The following DDR1 variants were observed in gnomAD, a reference collection of about 807,000 sequenced individuals.
DDR1 encodes epithelial discoidin domain-containing receptor 1.
In DDR1, 64 loss-of-function variants were observed where a neutral mutation model predicts 97.4. The ratio of observed to expected loss-of-function variants is 0.66; its 90% CI spans 0.54 to 0.81. The LOEUF (loss-of-function observed/expected upper bound fraction) is 0.81. Among genes scored for constraint, DDR1 ranks in the 30% least tolerant of loss-of-function variants. The probability of loss-of-function intolerance (pLI) is 0.00; values close to 1 mark genes in which losing one functional copy is unlikely to be tolerated. For synonymous variants in DDR1, 458 were observed against 503.7 expected (o/e 0.91, Z 1.21); for missense variants, 990 against 1,259.6 (o/e 0.79, Z 3.24).
At chr6:30,885,167 C>T in intron 1 of DDR1, 1 of 1,524,332 alleles carries the variant, frequency 6.6e-7, no homozygotes, top group Non-Finnish European at 8.8e-7. Context: ...CTCTAACCCA[C>T]CAGTGACACC....
Position 30,899,362 on chromosome 6 carries a change from A to G in DDR1, c.*66A>G, listed in dbSNP as rs1262477544. 7.1e-6 allele frequency: 11 copies of G among 1,546,440 alleles called. No homozygotes were observed. The highest frequency in any genetic ancestry group is 8.7e-6 in the Non-Finnish European group (10 of 1,143,810). On this transcript the variant is annotated 3_prime_UTR_variant, in exon 18 of 18. Transcript: ENST00000376568. ...GGGAAGCCAGTGACACTAAAACAAG[A>G]GGACACAATGGCACCTCTGCCCTTC... is the stretch of plus-strand genomic sequence containing the variant.
chr6:30,891,943 C>T lies in DDR1; in HGVS notation c.666-59C>T. 6.3e-7 allele frequency: 1 copy of T among 1,587,572 alleles called. No individual in the cohort carries two copies. Among genetic ancestry groups the T allele is most frequent in the Non-Finnish European group, 8.6e-7 (1 of 1,159,390 alleles). Reference sequence around the variant, plus strand: ...GCCGGAGGGTGGCGGAGCAGAATGCCTGGATGTCAAGACCCTCTTCCCTTC... The same window carrying T: ...GCCGGAGGGTGGCGGAGCAGAATGCTTGGATGTCAAGACCCTCTTCCCTTC... On this transcript the variant is annotated intron_variant, in intron 6 of 17. Transcript: ENST00000376568. This position sits in a 1 kb window ranked among gnomAD's most constrained non-coding sequence, Gnocchi z 5.3.
At position 30,898,303 on chromosome 6, in the gene DDR1, T is replaced by G. The variant is rs1221762546; in HGVS notation, c.2447T>G (p.Leu816Arg). Residue 816 changes from leucine (L) to arginine (R), a missense_variant, in exon 16 of 18, where the codon CTC (leucine) becomes CGC (arginine). Physicochemically the swap from Leu to Arg is moderately radical, Grantham distance 102. Coordinates refer to ENST00000376568, the MANE Select transcript of DDR1 (RefSeq NM_001297654.2). The part of the protein sequence containing the change: ...PIRWMAWECI[L>R]MGKFTTASDV... Reference sequence around the variant, plus strand: ...CGCTGGATGGCCTGGGAGTGCATCCTCATGGTGAGCAGCCCGAGGACAGCC... The same window carrying G: ...CGCTGGATGGCCTGGGAGTGCATCCGCATGGTGAGCAGCCCGAGGACAGCC... 19 of 1,611,530 alleles carry G rather than the reference T, an allele frequency of 1.2e-5. No homozygotes were observed. Among genetic ancestry groups the G allele is most frequent in the Non-Finnish European group, 1.5e-5 (18 of 1,178,078 alleles).
chr6:30,893,437 TG>T lies in DDR1; in HGVS notation c.1347+16del, dbSNP rs781679716. ...CTCCTCAGCAAGGTGGGCACAGCCGTGGCATGTGGAGTGGCGGGGGGAGGCC... is the reference window on the plus strand; with the variant it reads ...CTCCTCAGCAAGGTGGGCACAGCCGTGCATGTGGAGTGGCGGGGGGAGGCC... On this transcript the variant is annotated intron_variant, in intron 10 of 17. Transcript: ENST00000376568. The T allele has an allele frequency of 6.9e-6, 11 of 1,598,352 alleles. No homozygotes were observed. In the East Asian group the frequency reaches 2.2e-4, roughly 33 times the overall value.
At chr6:30,898,859 C>A in intron 16 of DDR1, 29 bp from the exon 17 acceptor site, 1 of 1,592,324 alleles carries the variant, frequency 6.3e-7, no homozygotes, top group South Asian at 1.1e-5. Context: ...ATGTCCCTGT[C>A]TGTTTTTGCT....
chr6:30,892,601 A>G, intron 8 of DDR1, 59 bp downstream of exon 8: 2 of 1,506,474 alleles, frequency 1.3e-6, no homozygotes. Flanking sequence ...TTTCATTCCT[A>G]ACCCTGCAGT....
At position 30,899,166 on chromosome 6, in the gene DDR1, C is replaced by T. The variant is rs373175632; in HGVS notation, c.2612C>T (p.Ser871Phe). Residue 871 changes from serine (S) to phenylalanine (F), a missense_variant, in exon 18 of 18, where the codon TCC becomes TTC. By Grantham distance (155) the Ser-to-Phe change is radical (BLOSUM62 -2). Coordinates refer to ENST00000376568, the MANE Select transcript of DDR1 (RefSeq NM_001297654.2). ...ACTGCCACAATGCAGGTGTACCTGT[C>T]CCGGCCGCCTGCCTGCCCGCAGGGC... is the stretch of plus-strand genomic sequence containing the variant. ...FRDQGRQVYL[S>F]RPPACPQGLY... 5 of 1,614,086 alleles carry T rather than the reference C, an allele frequency of 3.1e-6. No homozygotes were observed. Among genetic ancestry groups the T allele is most frequent in the East Asian group, 2.2e-5 (1 of 44,900 alleles).
In DDR1 at chr6:30,893,396, G is replaced by C. The variant is rs1447173240; in HGVS notation, c.1320G>C (p.Arg440=). Residue 440 remains arginine (R), a synonymous_variant, in exon 10 of 18, where the codon CGG becomes CGC. Coordinates refer to ENST00000376568, the MANE Select transcript of DDR1 (RefSeq NM_001297654.2). ...TCATCATTGCCCTCATGCTCTGGCG[G>C]CTGCACTGGCGCAGGCTCCTCAGCA... is the stretch of plus-strand genomic sequence containing the variant. The part of the protein sequence containing the change: ...LLLIIALMLW[R]LHWRRLLSKA... 2 of 1,606,066 alleles carry C rather than the reference G, an allele frequency of 1.2e-6. No homozygotes were observed. The highest frequency in any genetic ancestry group is 1.7e-6 in the Non-Finnish European group (2 of 1,179,750).
rs888437993 is a variant in DDR1, at chr6:30,888,382, G to A, written c.-42-306G>A. ...GATATTTTGCCCATTCCTGATTGGA[G>A]AAATGGGGCTTTAGGAAGTTATTTA... On this transcript the variant is annotated intron_variant, in intron 1 of 17. Transcript: ENST00000376568. This position sits in a 1 kb window ranked among gnomAD's most constrained non-coding sequence, Gnocchi z 4.2. The A allele has an allele frequency of 2.9e-6, 1 of 350,058 alleles. No individual in the cohort carries two copies. The highest frequency in any genetic ancestry group is 5.2e-6 in the Non-Finnish European group (1 of 193,704). The allele number at this position is 350,058 out of a possible 1,614,324, so 21.7% of individuals were successfully genotyped here.
At position 30,888,354 on chromosome 6, in the gene DDR1, G is replaced by A; in HGVS notation, c.-42-334G>A. 3.5e-6 allele frequency: 1 copy of A among 287,952 alleles called. No homozygotes were observed. 17.8% of individuals were successfully genotyped at this position (287,952 alleles called of 1,614,324 possible). A position where few individuals can be genotyped will look rare whatever the true frequency, so the allele number is the denominator to read the frequency against. On this transcript the variant is annotated intron_variant, in intron 1 of 17. Transcript: ENST00000376568. The surrounding 1 kb of genome is among the most constrained non-coding windows in gnomAD (Gnocchi z 4.2). ...TTGTTTGTTCTAAGCCGTTGTTTATGGGGATATTTTGCCCATTCCTGATTG... is the reference window on the plus strand; with the variant it reads ...TTGTTTGTTCTAAGCCGTTGTTTATAGGGATATTTTGCCCATTCCTGATTG...
chr6:30,890,031 A>C lies in DDR1; in HGVS notation c.417+601A>C, dbSNP rs369635947. ...CCTAGGCCACCTGCCCGCCATCTCC[A>C]GCTTAGATGAGTGCAGTAGATGCCA... is the stretch of plus-strand genomic sequence containing the variant. On this transcript the variant is annotated intron_variant, in intron 4 of 17. Coordinates refer to ENST00000376568, the MANE Select transcript of DDR1 (RefSeq NM_001297654.2). The surrounding 1 kb of genome is among the most constrained non-coding windows in gnomAD (Gnocchi z 5.0). Among the ~76,000 whole-genome samples, 14 of 152,060 alleles carry C rather than the reference A, an allele frequency of 9.2e-5. No individual in the cohort carries two copies. Among genetic ancestry groups the C allele is most frequent in the African/African-American group, 3.4e-4 (14 of 41,470 alleles).
intron 1 of DDR1, chr6:30,885,120 C>T: frequency 7.3e-7 from 1 of 1,377,862 alleles, no homozygotes; most frequent in South Asian, 1.3e-5. Context: ...CCCAGTTGGT[C>T]AGTCTGGTCA....
rs186255241 is a variant in DDR1 at position 30,891,740 on chromosome 6, A to G, written c.665+261A>G. Among the ~76,000 whole-genome samples the G allele has an allele frequency of 3.3e-4, 51 of 152,250 alleles. No homozygotes were observed. Among genetic ancestry groups the G allele is most frequent in the Non-Finnish European group, 6.0e-4 (41 of 68,024 alleles). On this transcript the variant is annotated intron_variant, in intron 6 of 17. Coordinates refer to ENST00000376568, the MANE Select transcript of DDR1 (RefSeq NM_001297654.2). The surrounding 1 kb of genome is among the most constrained non-coding windows in gnomAD (Gnocchi z 5.3). ...ATTGTTGGAAATTGCTGCAATAAAT[A>G]TACACATCATAGATTGAAATGGTGC...
rs751380468 is a variant in DDR1, at chr6:30,888,793, A to G, written c.64A>G (p.Met22Val). The change falls in exon 2 of 18, where the codon ATG (methionine) becomes GTG (valine). Residue 22 changes from methionine (M) to valine (V), a missense_variant. Met to Val is a conservative substitution (Grantham distance 21). Coordinates refer to ENST00000376568, the MANE Select transcript of DDR1 (RefSeq NM_001297654.2). The surrounding 1 kb of genome is among the most constrained non-coding windows in gnomAD (Gnocchi z 4.2). ...LLLVASGDADMKGHFDPAKCR... is the reference protein window; with the variant it reads ...LLLVASGDADVKGHFDPAKCR... ...CTTGGTGGCAAGTGGAGATGCTGAC[A>G]TGAAGGGACATTTTGATCCTGGTGA... 1.3e-5 allele frequency: 21 copies of G among 1,612,870 alleles called. No homozygotes were observed. The Admixed American group carries it at 1.7e-4, about 13-fold the overall frequency.
At position 30,889,057 on chromosome 6, in the gene DDR1, C is replaced by G. The variant is rs1389602257; in HGVS notation, c.188+47C>G. 1 of 1,598,856 alleles carries G rather than the reference C, an allele frequency of 6.3e-7. No homozygotes were observed. The highest frequency in any genetic ancestry group is 1.7e-5 in the Admixed American group (1 of 59,978). ...CTTGTAGCTGCCCCGAGAGGAGCTCCTGGGACCTCTACTTCCCCTCCAACC... is the reference window on the plus strand; with the variant it reads ...CTTGTAGCTGCCCCGAGAGGAGCTCGTGGGACCTCTACTTCCCCTCCAACC... On this transcript the variant is annotated intron_variant, in intron 3 of 17. Transcript: ENST00000376568. The surrounding 1 kb of genome is among the most constrained non-coding windows in gnomAD (Gnocchi z 4.9).
chr6:30,892,988 C>T (rs1300093999), intron 8 of DDR1, 80 bp from the exon 9 acceptor site: 1 of 1,253,380 alleles, frequency 8.0e-7, no homozygotes, highest in Non-Finnish European at 1.1e-6. Context: ...TGCTCCTTTG[C>T]ACAACAGTCC....
Position 30,897,570 on chromosome 6 carries a change from G to C in DDR1, c.2189G>C (p.Gly730Ala), listed in dbSNP as rs772751955. ...GCAGCCGAGGGGGCCCCTGGGGACG[G>C]GCAGGCTGCGCAGGGGCCCACCATC... ...DKAAEGAPGD[G>A]QAAQGPTISY... Residue 730 changes from glycine to alanine, a missense_variant, in exon 15 of 18, where the codon GGG becomes GCG. Physicochemically the swap from Gly to Ala is moderately conservative, Grantham distance 60 (BLOSUM62 0). Transcript: ENST00000376568. The surrounding 1 kb of genome is among the most constrained non-coding windows in gnomAD (Gnocchi z 5.2). The C allele has an allele frequency of 6.2e-7, 1 of 1,612,862 alleles. No homozygotes were observed. The highest frequency in any genetic ancestry group is 8.5e-7 in the Non-Finnish European group (1 of 1,179,948).
chr6:30,884,177 G>C (rs1432859152), upstream of DDR1: 1 of 152,398 alleles, frequency 6.6e-6, no homozygotes, highest in Non-Finnish European at 1.5e-5. The surrounding 1 kb of genome is among the most constrained non-coding windows in gnomAD (Gnocchi z 6.1). Flanking sequence ...GGTGGGCTGC[G>C]AGTGGGTGGA....
chr6:30,891,101 C>G lies in DDR1; in HGVS notation c.546C>G (p.Leu182=). Residue 182 remains leucine, a synonymous_variant, in exon 5 of 18, where the codon CTC becomes CTG. Transcript: ENST00000376568. This position sits in a 1 kb window ranked among gnomAD's most constrained non-coding sequence, Gnocchi z 5.3. ...TGAGCGTCTGTCTGCGGGTAGAGCT[C>G]TATGGCTGCCTCTGGAGGGGTGAGT... ...RVMSVCLRVE[L]YGCLWRDGLL... is the part of the protein sequence containing the mutation. 2 of 1,612,992 alleles carry G rather than the reference C, an allele frequency of 1.2e-6. No individual in the cohort carries two copies. The highest frequency in any genetic ancestry group is 1.7e-6 in the Non-Finnish European group (2 of 1,180,010).
Sources: gnomAD v4.1 joint callset for allele counts (sites outside exome capture counted in the v4.1 genomes callset) on GRCh38, gnomAD v4.1.1 for gene constraint, Gnocchi (gnomAD v3.1) non-coding constraint, MANE v1.5 for transcripts, NCBI Gene and HGNC (gene_info 2026-07-23, HGNC 2026-07-21) for gene names.